Variants in KLHL29 observed in about 807,000 individuals in gnomAD.
KLHL29 encodes kelch-like protein 29.
In KLHL29, 21 loss-of-function variants were observed where a neutral mutation model predicts 80.4. That is an observed-to-expected ratio of 0.26 (90% CI 0.19 to 0.38). The LOEUF (loss-of-function observed/expected upper bound fraction) is 0.38, where lower values mean the gene tolerates loss of function less well. Ranked by LOEUF, KLHL29 falls within the 10% of genes least tolerant of loss-of-function variation. KLHL29 has a pLI of 1.00. For synonymous variants in KLHL29, 511 were observed against 526.8 expected (o/e 0.97, Z 0.41); for missense variants, 867 against 1,223.9 (o/e 0.71, Z 4.35).
intron 2 of KLHL29, among the ~76,000 whole-genome samples, chr2:23,481,903 TAA>T (rs11307329): frequency 1.0e-4 from 15 of 146,606 alleles, no homozygotes; most frequent in Admixed American, 6.7e-5. Flanking sequence ...GGTGACAGGT[TAA>T]AAAAAAAAAA....
chr2:23,390,703 G>A (rs945388889), intron 1 of KLHL29, among the ~76,000 whole-genome samples: 2 of 142,420 alleles, frequency 1.4e-5, no homozygotes, highest in African/African-American at 5.3e-5. Context: ...TCAGGCTGGA[G>A]TGCAATGACA....
chr2:23,386,010 A>G (rs1169820114), intron 1 of KLHL29, among the ~76,000 whole-genome samples: 1 of 151,714 alleles, frequency 6.6e-6, no homozygotes, highest in Admixed American at 6.6e-5. Flanking sequence ...AAGGGGGGGA[A>G]AAAACTTCCT....
chr2:23,412,198 C>G (rs1666882323), intron 1 of KLHL29, among the ~76,000 whole-genome samples: 1 of 150,006 alleles, frequency 6.7e-6, no homozygotes, highest in African/African-American at 2.5e-5. Flanking sequence ...CTGGACAGTT[C>G]CAGGGTTGGG....
rs1665689472 is a variant in KLHL29 at position 23,508,959 on chromosome 2, C to T, written c.-46+33292C>T. The stretch of plus-strand genomic sequence containing the variant: ...TGACCTTGGGTAGGTGACTTAAACT[C>T]TCTGTGCCTCCGTTCCCTCATCTGT... On this transcript the variant is annotated intron_variant, in intron 2 of 13. Transcript: ENST00000486442. Among the ~76,000 whole-genome samples the T allele has an allele frequency of 2.0e-5, 3 of 151,896 alleles. 1 individual carries two copies. Among genetic ancestry groups the T allele is most frequent in the Admixed American group, 1.3e-4 (2 of 15,280 alleles).
chr2:23,626,138 G>A (rs529842146), intron 3 of KLHL29, among the ~76,000 whole-genome samples: 7 of 152,256 alleles, frequency 4.6e-5, no homozygotes, highest in East Asian at 1.9e-4. Context: ...TTCCACCTCC[G>A]ATCATCAGAC....
At chr2:23,620,769 G>T (rs540163361) in intron 3 of KLHL29, among the ~76,000 whole-genome samples, 2 of 152,336 alleles carry the variant, frequency 1.3e-5, no homozygotes, top group Non-Finnish European at 2.9e-5. Context: ...AGGTGGGAGA[G>T]GGAGGCAGGA....
Position 23,696,024 on chromosome 2 carries a change from C to T in KLHL29, c.1815C>T (p.Val605=), listed in dbSNP as rs781488954. Reference sequence around the variant, plus strand: ...TGACCCAGCGCTCGCTGGTGGCCGTCACCTGCTGGAACCCGCAGAACAACA... The same window carrying T: ...TGACCCAGCGCTCGCTGGTGGCCGTTACCTGCTGGAACCCGCAGAACAACA... ...VGMTQRSLVA[V]TCWNPQNNKW... is the part of the protein sequence containing the mutation. Residue 605 remains valine, a synonymous_variant, in exon 10 of 14, where the codon GTC becomes GTT. Coordinates refer to ENST00000486442, the MANE Select transcript of KLHL29 (RefSeq NM_052920.2). The surrounding 1 kb of genome is among the most constrained non-coding windows in gnomAD (Gnocchi z 5.5). 3.2e-6 allele frequency: 5 copies of T among 1,551,738 alleles called. No individual in the cohort carries two copies. In the South Asian group the frequency reaches 5.9e-5, roughly 18 times the overall value.
At chr2:23,484,423 G>A (rs1664876261) in intron 2 of KLHL29, among the ~76,000 whole-genome samples, 1 of 152,212 alleles carries the variant, frequency 6.6e-6, no homozygotes, top group Admixed American at 6.5e-5. Context: ...AAAATCATTA[G>A]AAGCACATTT....
intron 3 of KLHL29, among the ~76,000 whole-genome samples, chr2:23,577,825 C>T (rs1427317379): frequency 1.3e-5 from 2 of 151,996 alleles, no homozygotes; most frequent in East Asian, 1.9e-4. Flanking sequence ...TATCAAAGCC[C>T]AGAACTTGGC....
intron 2 of KLHL29, among the ~76,000 whole-genome samples, chr2:23,554,351 C>T (rs1396865151): frequency 6.6e-6 from 1 of 152,224 alleles, no homozygotes; most frequent in Non-Finnish European, 1.5e-5. Flanking sequence ...ATGAGGCAAT[C>T]ATACATTTTC....
At chr2:23,539,934 G>A (rs965444634) in intron 2 of KLHL29, among the ~76,000 whole-genome samples, 3 of 152,060 alleles carry the variant, frequency 2.0e-5, no homozygotes, top group Admixed American at 1.3e-4. Context: ...AGCAACCTTC[G>A]TCCCATCGTT....
chr2:23,618,814 C>A (rs1669089669), intron 3 of KLHL29, among the ~76,000 whole-genome samples: 1 of 152,182 alleles, frequency 6.6e-6, no homozygotes, highest in Admixed American at 6.5e-5. Flanking sequence ...TTCCTGAACC[C>A]ATAGCTTGAT....
rs1672287637 is a variant in KLHL29, at chr2:23,700,390, A to G, written c.2106-2796A>G. ...AAAATTCATCACTTCCTAATTTTTT[A>G]CTACATGTTACTACTCTCTTGGGCC... On this transcript the variant is annotated intron_variant, in intron 11 of 13. Coordinates refer to ENST00000486442, the MANE Select transcript of KLHL29 (RefSeq NM_052920.2). This position sits in a 1 kb window ranked among gnomAD's most constrained non-coding sequence, Gnocchi z 4.6. 6.6e-6 allele frequency among the ~76,000 whole-genome samples: 1 copy of G among 152,228 alleles called. No individual in the cohort carries two copies. Among genetic ancestry groups the G allele is most frequent in the Non-Finnish European group, 1.5e-5 (1 of 68,040 alleles).
At chr2:23,428,229 G>A (rs1663059496) in intron 1 of KLHL29, among the ~76,000 whole-genome samples, 1 of 152,226 alleles carries the variant, frequency 6.6e-6, no homozygotes, top group Non-Finnish European at 1.5e-5. Flanking sequence ...CTAGGAATCT[G>A]CATGGGCAGA....
In KLHL29 at chr2:23,696,300, G is replaced by T. The variant is rs371694242; in HGVS notation, c.1925-33G>T. 1.9e-6 allele frequency: 3 copies of T among 1,547,406 alleles called. No individual in the cohort carries two copies. The highest frequency in any genetic ancestry group is 1.2e-5 in the South Asian group (1 of 83,862). On this transcript the variant is annotated intron_variant, in intron 10 of 13. Coordinates refer to ENST00000486442, the MANE Select transcript of KLHL29 (RefSeq NM_052920.2). This position sits in a 1 kb window ranked among gnomAD's most constrained non-coding sequence, Gnocchi z 5.5. The stretch of plus-strand genomic sequence containing the variant: ...CTGACCCCAGGCCCCTCCTCACCCC[G>T]CCCGCTCTCTCTGCCTCCCACACTG...
At chr2:23,611,229 C>A (rs1439990557) in intron 3 of KLHL29, among the ~76,000 whole-genome samples, 1 of 152,120 alleles carries the variant, frequency 6.6e-6, no homozygotes. Flanking sequence ...TGGAGGTAAG[C>A]CTTATGCTTA....
intron 5 of KLHL29, 83 bp downstream of exon 5, chr2:23,642,933 G>A (rs1346464016): frequency 4.1e-6 from 6 of 1,478,200 alleles, no homozygotes; most frequent in Admixed American, 2.0e-5. Context: ...CGGGACAGGG[G>A]GTGCTTCATG....
chr2:23,460,357 C>G (rs1402736845), intron 1 of KLHL29, among the ~76,000 whole-genome samples: 5 of 152,006 alleles, frequency 3.3e-5, no homozygotes, highest in Admixed American at 1.3e-4. Flanking sequence ...GTTCCTTTCC[C>G]CATCCTAGGA....
At chr2:23,586,284 T>C (rs1482358681) in intron 3 of KLHL29, among the ~76,000 whole-genome samples, 1 of 151,928 alleles carries the variant, frequency 6.6e-6, no homozygotes, top group Non-Finnish European at 1.5e-5. Flanking sequence ...AGTTCCAGAA[T>C]GTCTTTATCA....
Sources: allele counts gnomAD v4.1 joint callset (sites outside exome capture counted in the v4.1 genomes callset), GRCh38; gene constraint gnomAD v4.1.1; non-coding constraint Gnocchi (gnomAD v3.1); transcripts MANE v1.5; gene names NCBI Gene and HGNC (gene_info 2026-07-23, HGNC 2026-07-21).